The following EDN1 variants were observed in gnomAD, a reference collection of about 807,000 sequenced individuals.
EDN1 encodes the protein endothelin 1.
Under a neutral mutation model 21.7 loss-of-function variants are expected in EDN1, and 11 were observed. The observed-to-expected ratio is 0.51, with a 90% CI of 0.32 to 0.84. EDN1 has a LOEUF of 0.84. Ranked by LOEUF, EDN1 falls within the 40% of genes least tolerant of loss-of-function variation. EDN1 has a pLI of 0.03. For missense variants in EDN1, 244 were observed against 262.3 expected (o/e 0.93, Z 0.48); for synonymous variants, 85 against 90.6 (o/e 0.94, Z 0.35).
At chr6:12,263,513 A>G in the EDN1 span, among the ~76,000 whole-genome samples, 1 of 152,166 alleles carries the variant, frequency 6.6e-6, no homozygotes, top group East Asian at 1.9e-4. Flanking sequence ...TTTGACATAA[A>G]CTAGCCCCAC....
intron 2 of EDN1, 92 bp downstream of exon 2, chr6:12,292,601 A>C (rs1762713349): frequency 6.9e-7 from 1 of 1,450,264 alleles, no homozygotes; most frequent in Admixed American, 1.7e-5. Context: ...AGGGACTCTG[A>C]AGGTAGTCCT....
chr6:12,258,386 C>A, the EDN1 span, among the ~76,000 whole-genome samples: 2 of 131,774 alleles, frequency 1.5e-5, no homozygotes, highest in Non-Finnish European at 3.1e-5. Context: ...GAGGTCAAGG[C>A]TGCCAGTGAG....
chr6:12,244,976 T>G, the EDN1 span, among the ~76,000 whole-genome samples: 1 of 152,176 alleles, frequency 6.6e-6, no homozygotes, highest in Non-Finnish European at 1.5e-5. Context: ...GAGCAAAATG[T>G]TACAAAAGAT....
the EDN1 span, among the ~76,000 whole-genome samples, chr6:12,263,558 A>G: frequency 3.3e-5 from 5 of 152,166 alleles, no homozygotes; most frequent in Non-Finnish European, 7.3e-5. Context: ...CTATCTTCCT[A>G]ATACTCATTT....
the EDN1 span, among the ~76,000 whole-genome samples, chr6:12,279,607 T>G: frequency 2.4e-3 from 364 of 152,342 alleles, 1 homozygote; most frequent in African/African-American, 8.5e-3. Flanking sequence ...GGACAGATCT[T>G]TTTTTATTAA....
the EDN1 span, among the ~76,000 whole-genome samples, chr6:12,231,187 C>G: frequency 6.6e-6 from 1 of 152,236 alleles, no homozygotes; most frequent in Non-Finnish European, 1.5e-5. Context: ...TCCTGCTTCT[C>G]CGCAGCACTT....
At chr6:12,290,222 G>T (rs776902016), upstream of EDN1, 4 of 228,838 alleles carry the variant, frequency 1.7e-5, no homozygotes, top group Non-Finnish European at 3.5e-5. Flanking sequence ...TTCGGGCCTG[G>T]CCTTATCTCC....
the EDN1 span, among the ~76,000 whole-genome samples, chr6:12,258,448 TCAAAAAAA>T: frequency 9.4e-4 from 26 of 27,746 alleles, no homozygotes; most frequent in African/African-American, 1.7e-3. Flanking sequence ...AGATCATGTC[TCAAAAAAA>T]AAAAAAAAAA....
chr6:12,249,762 A>T, the EDN1 span, among the ~76,000 whole-genome samples: 4 of 152,138 alleles, frequency 2.6e-5, no homozygotes, highest in Non-Finnish European at 5.9e-5. Flanking sequence ...TTTGCAAGGC[A>T]TGGTAAGCCT....
the EDN1 span, among the ~76,000 whole-genome samples, chr6:12,255,730 G>A: frequency 2.4e-3 from 370 of 152,326 alleles, 2 homozygotes; most frequent in African/African-American, 8.4e-3. Flanking sequence ...ATGATTGGGA[G>A]TTCCAATATT....
Position 12,291,221 on chromosome 6 carries a change from C to A in EDN1, c.64+528C>A, listed in dbSNP as rs906425568. Among the ~76,000 whole-genome samples the A allele has an allele frequency of 1.1e-4, 11 of 99,764 alleles. 1 individual carries two copies. Among genetic ancestry groups the A allele is most frequent in the African/African-American group, 2.7e-4 (9 of 33,596 alleles). 65.4% of individuals were successfully genotyped at this position (99,764 alleles called of 152,430 possible). A position where few individuals can be genotyped will look rare whatever the true frequency, so the allele number is the denominator to read the frequency against. On this transcript the variant is annotated intron_variant, in intron 1 of 4. Transcript: ENST00000379375. ...GTCTGTTGACTAACTACCGCCTCCC[C>A]CCCCCCCCGCCACCACCCCCCGCAG...
chr6:12,249,545 G>C, the EDN1 span, among the ~76,000 whole-genome samples: 1 of 150,884 alleles, frequency 6.6e-6, no homozygotes, highest in African/African-American at 2.4e-5. Context: ...ACAAGACAAA[G>C]TTTATGGTGT....
chr6:12,271,749 G>C, the EDN1 span, among the ~76,000 whole-genome samples: 2 of 152,118 alleles, frequency 1.3e-5, no homozygotes, highest in Non-Finnish European at 2.9e-5. Flanking sequence ...TTTTTGTAAG[G>C]CTGGTCTAGC....
At chr6:12,277,631 G>T in the EDN1 span, among the ~76,000 whole-genome samples, 1 of 152,206 alleles carries the variant, frequency 6.6e-6, no homozygotes, top group African/African-American at 2.4e-5. Flanking sequence ...GAATCTCTGG[G>T]AAATTCCAGT....
chr6:12,274,755 A>C, the EDN1 span, among the ~76,000 whole-genome samples: 35,841 of 152,118 alleles, frequency 0.24, 5,028 homozygotes, highest in African/African-American at 0.39. Context: ...GGAAGCTGAG[A>C]TCAGAGCTAA....
At chr6:12,254,582 T>C in the EDN1 span, among the ~76,000 whole-genome samples, 1 of 152,104 alleles carries the variant, frequency 6.6e-6, no homozygotes, top group African/African-American at 2.4e-5. Context: ...AGAAATATTA[T>C]TTAAAAAGAA....
At chr6:12,262,197 G>A in the EDN1 span, among the ~76,000 whole-genome samples, 3 of 152,216 alleles carry the variant, frequency 2.0e-5, no homozygotes, top group African/African-American at 7.2e-5. Flanking sequence ...CGCCTTGAAG[G>A]GAATGAAGTG....
chr6:12,284,040 C>T, the EDN1 span, among the ~76,000 whole-genome samples: 36 of 152,120 alleles, frequency 2.4e-4, no homozygotes, highest in Admixed American at 5.9e-4. Flanking sequence ...GCTTTTCCTC[C>T]GGGGGTATCT....
intron 2 of EDN1, among the ~76,000 whole-genome samples, chr6:12,293,711 T>C (rs1014086698): frequency 3.9e-5 from 6 of 152,194 alleles, no homozygotes; most frequent in Admixed American, 2.0e-4. Flanking sequence ...AGAGTTGAAA[T>C]GGAATTCCAC....
Sources: gnomAD v4.1 joint callset for allele counts (sites outside exome capture counted in the v4.1 genomes callset) on GRCh38, gnomAD v4.1.1 for gene constraint, MANE v1.5 for transcripts, NCBI Gene and HGNC (gene_info 2026-07-23, HGNC 2026-07-21) for gene names.